The following PTPRD variants were observed in gnomAD, a reference collection of about 807,000 sequenced individuals.
PTPRD encodes protein tyrosine phosphatase receptor type D.
In PTPRD, 34 loss-of-function variants were observed where a neutral mutation model predicts 214.5. That is an observed-to-expected ratio of 0.16 (90% confidence interval 0.12 to 0.21). PTPRD has a LOEUF of 0.21. PTPRD is among the 10% of genes least tolerant of loss of function. PTPRD has a pLI of 1.00. For synonymous variants in PTPRD, 1,128 were observed against 845.7 expected, an observed-to-expected ratio of 1.33 and a Z score of -5.79; for missense variants, 2,545 against 2,398.7, an observed-to-expected ratio of 1.06 and a Z score of -1.27.
intron 3 of PTPRD, among the ~76,000 whole-genome samples, chr9:10,301,537 A>C (rs890130798): frequency 1.3e-5 from 2 of 152,200 alleles, no homozygotes; most frequent in Non-Finnish European, 2.9e-5. Flanking sequence ...GGTTAGACAA[A>C]TTGCTAACTA....
intron 39 of PTPRD, among the ~76,000 whole-genome samples, chr9:8,369,655 T>C (rs1420994789): frequency 6.6e-6 from 1 of 151,990 alleles, no homozygotes; most frequent in African/African-American, 2.4e-5. Context: ...ATTCAGGAGT[T>C]GTGATCTATC....
intron 14 of PTPRD, among the ~76,000 whole-genome samples, chr9:8,529,452 G>A (rs1350653019): frequency 6.6e-6 from 1 of 152,052 alleles, no homozygotes; most frequent in East Asian, 1.9e-4. Flanking sequence ...CTTATTAATG[G>A]CACAAAAACA....
intron 7 of PTPRD, among the ~76,000 whole-genome samples, chr9:9,708,769 C>G (rs2154421302): frequency 6.6e-6 from 1 of 152,030 alleles, no homozygotes; most frequent in East Asian, 1.9e-4. Context: ...TGCATAATAC[C>G]TGGAGTTTCA....
chr9:8,820,328 G>C (rs1375744394), intron 11 of PTPRD, among the ~76,000 whole-genome samples: 1 of 152,058 alleles, frequency 6.6e-6, no homozygotes, highest in Non-Finnish European at 1.5e-5. Flanking sequence ...AGGCAATCTA[G>C]CTCCATAAGC....
chr9:8,926,204 G>A (rs1465102428), intron 11 of PTPRD, among the ~76,000 whole-genome samples: 1 of 151,892 alleles, frequency 6.6e-6, no homozygotes. Flanking sequence ...TGCTGCCAAG[G>A]TTTTATCAAC....
At chr9:9,557,669 C>T (rs144591037) in intron 8 of PTPRD, among the ~76,000 whole-genome samples, 60 of 152,290 alleles carry the variant, frequency 3.9e-4, no homozygotes, top group Non-Finnish European at 7.5e-4. Flanking sequence ...CTCCACACCC[C>T]CTTATCTTAA....
In PTPRD at chr9:9,461,337, T is replaced by G. The variant is rs117282415; in HGVS notation, c.-236-63855A>C. ...TCCTGAATCGGAATTTTAAATAAAATCATATCATTGTCTAATTTTACATAG... is the reference window on the plus strand; with the variant it reads ...TCCTGAATCGGAATTTTAAATAAAAGCATATCATTGTCTAATTTTACATAG... On this transcript the variant is annotated intron_variant, in intron 8 of 45. Transcript: ENST00000381196. Among the ~76,000 whole-genome samples, 28 of 152,174 alleles carry G rather than the reference T, an allele frequency of 1.8e-4. 2 individuals are homozygous for G. The East Asian group carries it at 5.2e-3, about 28-fold the overall frequency.
At chr9:9,582,803 G>C (rs1441094113) in intron 7 of PTPRD, among the ~76,000 whole-genome samples, 1 of 151,960 alleles carries the variant, frequency 6.6e-6, no homozygotes, top group East Asian at 1.9e-4. Context: ...TAACGTGTTA[G>C]TATATATTAG....
chr9:9,310,444 T>C (rs1958579772), intron 9 of PTPRD, among the ~76,000 whole-genome samples: 1 of 152,124 alleles, frequency 6.6e-6, no homozygotes, highest in Admixed American at 6.5e-5. Context: ...CTGTACTATC[T>C]ACAAGTGAAA....
chr9:9,635,241 G>A (rs2095722429), intron 7 of PTPRD, among the ~76,000 whole-genome samples: 1 of 152,162 alleles, frequency 6.6e-6, no homozygotes, highest in Non-Finnish European at 1.5e-5. Flanking sequence ...AGGGATGTAT[G>A]CTTTCAAAGT....
At chr9:10,004,556 C>T (rs2096423805) in intron 4 of PTPRD, among the ~76,000 whole-genome samples, 1 of 151,874 alleles carries the variant, frequency 6.6e-6, no homozygotes, top group African/African-American at 2.4e-5. Context: ...TTTTAAGCCA[C>T]ATATTATACA....
At chr9:10,366,193 C>T (rs975264905) in intron 2 of PTPRD, among the ~76,000 whole-genome samples, 2 of 152,252 alleles carry the variant, frequency 1.3e-5, no homozygotes, top group South Asian at 4.2e-4. Flanking sequence ...TGTATGCTTC[C>T]CTATGCCATC....
intron 2 of PTPRD, among the ~76,000 whole-genome samples, chr9:10,505,947 T>A (rs1030116801): frequency 6.6e-5 from 10 of 151,844 alleles, no homozygotes; most frequent in Middle Eastern, 3.4e-3. Context: ...GATGAGGGAG[T>A]CAATTCAGTG....
chr9:9,882,167 T>C (rs1476840540), intron 5 of PTPRD, among the ~76,000 whole-genome samples: 3 of 152,118 alleles, frequency 2.0e-5, no homozygotes, highest in Admixed American at 6.6e-5. Context: ...AAATACATAG[T>C]TTCTCTCCTC....
intron 11 of PTPRD, among the ~76,000 whole-genome samples, chr9:8,762,968 C>G (rs1365527435): frequency 1.3e-4 from 20 of 152,098 alleles, no homozygotes; most frequent in Admixed American, 1.3e-3. Flanking sequence ...CTGAAATGCC[C>G]AGGCCATTCT....
At chr9:10,487,966 G>GTC (rs56372955) in intron 2 of PTPRD, among the ~76,000 whole-genome samples, 2,978 of 110,258 alleles carry the variant, frequency 0.027, 94 homozygotes, top group Middle Eastern at 0.065. Flanking sequence ...AATGAACACA[G>GTC]TCTCTCTCTC....
intron 2 of PTPRD, among the ~76,000 whole-genome samples, chr9:10,399,531 G>A (rs768316232): frequency 1.3e-5 from 2 of 151,876 alleles, no homozygotes; most frequent in African/African-American, 2.4e-5. Context: ...CATGAAACTA[G>A]TTTTAAGAGG....
intron 3 of PTPRD, among the ~76,000 whole-genome samples, chr9:10,119,202 C>A (rs528958674): frequency 2.0e-5 from 3 of 152,006 alleles, no homozygotes; most frequent in South Asian, 2.1e-4. Context: ...GCTAACCCCC[C>A]CTTTTTTAAC....
At chr9:9,483,830 T>A (rs1011541539) in intron 8 of PTPRD, among the ~76,000 whole-genome samples, 1 of 151,582 alleles carries the variant, frequency 6.6e-6, no homozygotes. Context: ...GAAAATTCGT[T>A]CTCTGTTTGG....
Sources: gnomAD v4.1 joint callset for allele counts (sites outside exome capture counted in the v4.1 genomes callset) on GRCh38, gnomAD v4.1.1 for gene constraint, MANE v1.5 for transcripts, NCBI Gene and HGNC (gene_info 2026-07-23, HGNC 2026-07-21) for gene names.